PPP3CC: variants seen among roughly 807,000 people sequenced by gnomAD.
PPP3CC encodes protein phosphatase 3 catalytic subunit gamma.
PPP3CC carries 35 observed loss-of-function variants against 60.3 expected under a neutral mutation model. The observed-to-expected ratio is 0.58, with a 90% CI of 0.44 to 0.77. PPP3CC has a LOEUF of 0.77. Ranked by LOEUF, PPP3CC falls within the 30% of genes least tolerant of loss-of-function variation. The pLI, the probability that PPP3CC is intolerant of heterozygous loss-of-function variation, is 0.00. For missense variants in PPP3CC, 570 were observed against 628.9 expected, an observed-to-expected ratio of 0.91 and a Z score of 1.00; for synonymous variants, 206 against 224.3, an observed-to-expected ratio of 0.92 and a Z score of 0.73.
rs1162129204 is a variant in PPP3CC at position 22,532,256 on chromosome 8, G to A, written c.1173G>A (p.Arg391=). ...GSTTVRKEII[R]NKIRAIGKMA... The stretch of plus-strand genomic sequence containing the variant: ...CTACAGTTCGTAAGGAGATCATCAG[G>A]AATAAGATCAGAGCCATTGGGAAGA... Residue 391 remains arginine (R), a synonymous_variant, in exon 11 of 14, where the codon AGG becomes AGA. Transcript: ENST00000240139. 5 of 1,613,150 alleles carry A rather than the reference G, an allele frequency of 3.1e-6. No individual in the cohort carries two copies. The highest frequency in any genetic ancestry group is 3.4e-6 in the Non-Finnish European group (4 of 1,179,132).
intron 1 of PPP3CC, among the ~76,000 whole-genome samples, chr8:22,457,321 C>CATTT (rs1288108218): frequency 2.7e-5 from 4 of 146,106 alleles, no homozygotes; most frequent in African/African-American, 7.6e-5. Flanking sequence ...GTCCCATCTT[C>CATTT]ATTTATTTAT....
chr8:22,494,406 G>T (rs1425012535), intron 3 of PPP3CC, among the ~76,000 whole-genome samples: 1 of 152,150 alleles, frequency 6.6e-6, no homozygotes, highest in Non-Finnish European at 1.5e-5. Flanking sequence ...TTCAGTTACT[G>T]TCCCCTGGGT....
At chr8:22,454,492 G>A (rs554877666) in intron 1 of PPP3CC, among the ~76,000 whole-genome samples, 8 of 152,260 alleles carry the variant, frequency 5.3e-5, no homozygotes, top group African/African-American at 1.9e-4. Flanking sequence ...ATACTCTAAA[G>A]TAATGATTAA....
chr8:22,534,446 A>G (rs1180222688), intron 12 of PPP3CC, among the ~76,000 whole-genome samples: 4 of 152,100 alleles, frequency 2.6e-5, no homozygotes, highest in African/African-American at 7.2e-5. Flanking sequence ...AGAGTCTGAC[A>G]ATACCAAGTA....
chr8:22,522,794 G>A (rs760288012), intron 8 of PPP3CC, 45 bp downstream of exon 8: 31 of 1,327,756 alleles, frequency 2.3e-5, no homozygotes, highest in East Asian at 2.3e-4. Context: ...ATGAGTAAAC[G>A]TGAGCTCTGG....
intron 3 of PPP3CC, among the ~76,000 whole-genome samples, chr8:22,476,266 A>G (rs1837884808): frequency 6.6e-6 from 1 of 152,252 alleles, no homozygotes; most frequent in Non-Finnish European, 1.5e-5. Context: ...ACCACAGCAC[A>G]TTCCTAGTTA....
rs114811003 is a variant in PPP3CC, at chr8:22,533,011, C to T, written c.1314C>T (p.Ile438=). The T allele has an allele frequency of 1.2e-5, 19 of 1,599,084 alleles. No individual in the cohort carries two copies. The highest frequency in any genetic ancestry group is 5.6e-5 in the South Asian group (5 of 89,568). Reference sequence around the variant, plus strand: ...TCCTCTCAGGAGGCAAGCAGACTATCGAGACAGGTGAGTATGAGAGTGCTC... The same window carrying T: ...TCCTCTCAGGAGGCAAGCAGACTATTGAGACAGGTGAGTATGAGAGTGCTC... ...LGVLSGGKQT[I]ETATVEAVEA... is the part of the protein sequence containing the mutation. The change falls in exon 12 of 14, where the codon ATC becomes ATT. Residue 438 remains isoleucine (I), a synonymous_variant. Transcript: ENST00000240139.
At chr8:22,463,277 A>G (rs930151358) in intron 1 of PPP3CC, among the ~76,000 whole-genome samples, 3 of 152,212 alleles carry the variant, frequency 2.0e-5, no homozygotes, top group African/African-American at 7.2e-5. Flanking sequence ...GGACCATAAC[A>G]GTTCTGGAAA....
At chr8:22,480,311 A>G (rs1326993708) in intron 3 of PPP3CC, among the ~76,000 whole-genome samples, 1 of 152,156 alleles carries the variant, frequency 6.6e-6, no homozygotes, top group Admixed American at 6.6e-5. Context: ...TATGTTAACA[A>G]CATACCCCTA....
chr8:22,464,078 A>G (rs1837445085), intron 1 of PPP3CC, among the ~76,000 whole-genome samples: 1 of 152,112 alleles, frequency 6.6e-6, no homozygotes, highest in Non-Finnish European at 1.5e-5. Flanking sequence ...AGATACTTAA[A>G]TGTTGAAGTA....
chr8:22,457,554 T>G (rs1340258596), intron 1 of PPP3CC, among the ~76,000 whole-genome samples: 2 of 152,006 alleles, frequency 1.3e-5, no homozygotes, highest in Non-Finnish European at 2.9e-5. Context: ...GCGATCCATC[T>G]GCTTCATCCT....
At chr8:22,482,006 T>C (rs1306023600) in intron 3 of PPP3CC, among the ~76,000 whole-genome samples, 1 of 152,218 alleles carries the variant, frequency 6.6e-6, no homozygotes, top group Non-Finnish European at 1.5e-5. Context: ...CGTGTGCATG[T>C]GTCTTTATAG....
intron 4 of PPP3CC, among the ~76,000 whole-genome samples, chr8:22,502,289 TAACAACAAC>T (rs1029259036): frequency 6.6e-6 from 1 of 152,052 alleles, no homozygotes; most frequent in African/African-American, 2.4e-5. Flanking sequence ...GTGTTAATTG[TAACAACAAC>T]AACAACAACA....
chr8:22,525,389 T>C (rs924160521), intron 8 of PPP3CC, among the ~76,000 whole-genome samples: 3 of 152,120 alleles, frequency 2.0e-5, no homozygotes, highest in African/African-American at 7.2e-5. Flanking sequence ...CTTTTTCTTC[T>C]TCCTTTTCTT....
At chr8:22,527,607 T>C in intron 9 of PPP3CC, 90 bp downstream of exon 9, 1 of 1,457,232 alleles carries the variant, frequency 6.9e-7, no homozygotes, top group South Asian at 1.3e-5. Flanking sequence ...TCAGAAATGT[T>C]TTCTAATTTT....
chr8:22,462,952 A>G (rs991597922), intron 1 of PPP3CC, among the ~76,000 whole-genome samples: 1 of 152,158 alleles, frequency 6.6e-6, no homozygotes, highest in African/African-American at 2.4e-5. Context: ...ATATCCCATA[A>G]TCTATTTGGA....
chr8:22,480,269 A>T (rs143535412), intron 3 of PPP3CC, among the ~76,000 whole-genome samples: 193 of 152,280 alleles, frequency 1.3e-3, no homozygotes, highest in African/African-American at 4.3e-3. Flanking sequence ...GAGTTATACA[A>T]TTTTTATGAG....
chr8:22,493,142 T>A (rs1248454244), intron 3 of PPP3CC: 6 of 1,512,036 alleles, frequency 4.0e-6, no homozygotes, highest in Non-Finnish European at 4.6e-6. Context: ...AAGATAAAAC[T>A]TGAAGAAGTT....
intron 6 of PPP3CC, among the ~76,000 whole-genome samples, chr8:22,521,382 G>T (rs1053273645): frequency 2.6e-5 from 4 of 152,148 alleles, no homozygotes; most frequent in Admixed American, 2.6e-4. Flanking sequence ...TGAGGCTGGT[G>T]GTAGGACTGC....
Sources: allele counts gnomAD v4.1 joint callset (sites outside exome capture counted in the v4.1 genomes callset), GRCh38; gene constraint gnomAD v4.1.1; transcripts MANE v1.5; gene names NCBI Gene and HGNC (gene_info 2026-07-23, HGNC 2026-07-21).